Variants in SPTBN1 observed in about 807,000 individuals in gnomAD.
SPTBN1 encodes the protein spectrin beta, non-erythrocytic 1.
A neutral mutation model predicts 266.4 loss-of-function variants in SPTBN1; 32 were observed. The ratio of observed to expected loss-of-function variants is 0.12; its 90% CI spans 0.09 to 0.16. SPTBN1 has a LOEUF of 0.16. SPTBN1 is among the 10% of genes least tolerant of loss of function. The probability of loss-of-function intolerance (pLI) is 1.00; values close to 1 mark genes in which losing one functional copy is unlikely to be tolerated. For missense variants in SPTBN1, 2,296 were observed against 3,067.1 expected (o/e 0.75, Z 5.94); for synonymous variants, 1,336 against 1,162.2 (o/e 1.15, Z -3.04).
At chr2:54,603,559 G>A (rs192312722) in intron 3 of SPTBN1, among the ~76,000 whole-genome samples, 1 of 152,260 alleles carries the variant, frequency 6.6e-6, no homozygotes, top group African/African-American at 2.4e-5. Flanking sequence ...GGAGCCCTTA[G>A]GAGTGGGTCC....
intron 2 of SPTBN1, chr2:54,546,820 T>C (rs1407844658): frequency 6.6e-6 from 1 of 152,162 alleles, no homozygotes; most frequent in African/African-American, 2.4e-5. Flanking sequence ...TTGACAGCAT[T>C]TGAGAATGTT....
intron 1 of SPTBN1, among the ~76,000 whole-genome samples, chr2:54,493,758 G>A (rs1048962086): frequency 5.9e-5 from 9 of 152,206 alleles, no homozygotes; most frequent in African/African-American, 2.2e-4. Flanking sequence ...CCAAGACTAA[G>A]TGCCAACATA....
At chr2:54,583,571 T>C (rs2104585000) in intron 2 of SPTBN1, among the ~76,000 whole-genome samples, 1 of 152,322 alleles carries the variant, frequency 6.6e-6, no homozygotes, top group African/African-American at 2.4e-5. Context: ...CCAGTGTTTC[T>C]TCAGTGAATG....
rs1381530913 is a variant in SPTBN1, at chr2:54,661,231, C to G, written c.6420+1232C>G. ...AATTGAAAATGTTTTCACAAAAATC[C>G]TTTTCCTTAGAAATAAAAGCTGGTG... is the stretch of plus-strand genomic sequence containing the variant. On this transcript the variant is annotated intron_variant, in intron 32 of 35. Transcript: ENST00000356805. 7 of 985,670 alleles carry G rather than the reference C, an allele frequency of 7.1e-6. No homozygotes were observed. The African/African-American group carries it at 1.2e-4, about 17-fold the overall frequency. The allele number at this position is 985,670 out of a possible 1,614,324, so 61.1% of individuals were successfully genotyped here. A position where few individuals can be genotyped will look rare whatever the true frequency, so the allele number is the denominator to read the frequency against.
chr2:54,642,163 G>A (rs746259686), intron 18 of SPTBN1, among the ~76,000 whole-genome samples: 2 of 152,210 alleles, frequency 1.3e-5, no homozygotes, highest in Non-Finnish European at 2.9e-5. Flanking sequence ...AGGCAGTAAT[G>A]AGCCAGGGCC....
chr2:54,469,879 TG>T (rs1453851975), intron 1 of SPTBN1, among the ~76,000 whole-genome samples: 1 of 152,194 alleles, frequency 6.6e-6, no homozygotes, highest in Non-Finnish European at 1.5e-5. Context: ...ATTTATCTCC[TG>T]GGGTGGAGTT....
rs1681669877 is a variant in SPTBN1 at position 54,671,141 on chromosome 2, C to T, written c.*2572C>T. ...GGCTTAGGATATGAAATGGCGTTGT[C>T]ACTTGAATCAAGGCCACTTTTTGTC... On this transcript the variant is annotated 3_prime_UTR_variant, in exon 36 of 36. Transcript: ENST00000356805. 4.8e-6 allele frequency: 1 copy of T among 210,422 alleles called. No homozygotes were observed. Among genetic ancestry groups the T allele is most frequent in the African/African-American group, 2.3e-5 (1 of 43,808 alleles). 13.0% of individuals were successfully genotyped at this position (210,422 alleles called of 1,614,324 possible). A position where few individuals can be genotyped will look rare whatever the true frequency, so the allele number is the denominator to read the frequency against.
intron 1 of SPTBN1, among the ~76,000 whole-genome samples, chr2:54,462,323 C>G (rs1693406757): frequency 6.6e-6 from 1 of 152,130 alleles, no homozygotes; most frequent in Non-Finnish European, 1.5e-5. Context: ...CTTATTCTAA[C>G]TTTTGTATTT....
chr2:54,547,224 GT>G (rs969593681), intron 2 of SPTBN1, among the ~76,000 whole-genome samples: 3 of 151,740 alleles, frequency 2.0e-5, no homozygotes, highest in African/African-American at 7.3e-5. Context: ...TGTAATATTT[GT>G]TTTTTTTCTA....
intron 2 of SPTBN1, among the ~76,000 whole-genome samples, chr2:54,567,641 C>G (rs1343445849): frequency 1.3e-5 from 2 of 152,118 alleles, no homozygotes; most frequent in Non-Finnish European, 2.9e-5. Flanking sequence ...GTGGTGAAGT[C>G]AAGGCCTTGA....
At chr2:54,632,891 C>A in intron 17 of SPTBN1, 123 bp downstream of exon 17, 1 of 1,044,814 alleles carries the variant, frequency 9.6e-7, no homozygotes, top group South Asian at 1.6e-5. Context: ...TATGGGTGCC[C>A]AGCAGAAGTT....
chr2:54,571,393 A>G (rs1000289240), intron 2 of SPTBN1, among the ~76,000 whole-genome samples: 1 of 152,136 alleles, frequency 6.6e-6, no homozygotes, highest in African/African-American at 2.4e-5. Context: ...TAATTGTATT[A>G]AGAGGATGAC....
At chr2:54,598,969 A>T in intron 2 of SPTBN1, 123 bp from the exon 3 acceptor site, 1 of 984,346 alleles carries the variant, frequency 1.0e-6, no homozygotes, top group South Asian at 1.6e-5. Context: ...CGCTAAGTAG[A>T]GGTGTCCTTG....
intron 2 of SPTBN1, 116 bp from the exon 3 acceptor site, chr2:54,598,976 C>A (rs1433976577): frequency 4.3e-6 from 5 of 1,149,762 alleles, no homozygotes; most frequent in Middle Eastern, 2.9e-4. Flanking sequence ...TAGAGGTGTC[C>A]TTGGAGGTCA....
chr2:54,460,187 G>T (rs1693287265), intron 1 of SPTBN1, among the ~76,000 whole-genome samples: 1 of 152,210 alleles, frequency 6.6e-6, no homozygotes, highest in South Asian at 2.1e-4. Flanking sequence ...TAAGTGAGTT[G>T]TATGCACATT....
intron 1 of SPTBN1, among the ~76,000 whole-genome samples, chr2:54,481,768 A>G (rs1205433388): frequency 6.6e-6 from 1 of 152,198 alleles, no homozygotes; most frequent in Non-Finnish European, 1.5e-5. Flanking sequence ...GGGTTAGCCA[A>G]GGGAAGGAAT....
chr2:54,540,378 T>G lies in SPTBN1; in HGVS notation c.148+13812T>G, dbSNP rs1006301993. 6.6e-6 allele frequency among the ~76,000 whole-genome samples: 1 copy of G among 152,186 alleles called. No homozygotes were observed. The highest frequency in any genetic ancestry group is 1.5e-5 in the Non-Finnish European group (1 of 68,030). ...CTTGGTAGAGATGGGTTTGGGAAATTTAAGGCATTGTTTGCTAGCTTAGTA... is the reference window on the plus strand; with the variant it reads ...CTTGGTAGAGATGGGTTTGGGAAATGTAAGGCATTGTTTGCTAGCTTAGTA... On this transcript the variant is annotated intron_variant, in intron 2 of 35. Coordinates refer to ENST00000356805, the MANE Select transcript of SPTBN1 (RefSeq NM_003128.3). The surrounding 1 kb of genome is among the most constrained non-coding windows in gnomAD (Gnocchi z 5.6).
At position 54,622,315 on chromosome 2, in the gene SPTBN1, A is replaced by G; in HGVS notation, c.892A>G (p.Ile298Val). Residue 298 changes from isoleucine (I) to valine (V), a missense_variant, in exon 9 of 36, where the codon ATT (isoleucine) becomes GTT (valine). Around this residue, in one of 12 missense-constraint regions of SPTBN1, gnomAD observed 148 missense variants for 203.8 expected, o/e 0.73. Coordinates refer to ENST00000356805, the MANE Select transcript of SPTBN1 (RefSeq NM_003128.3). ...TTGTTGCCAGGTGCTTGACAATGCT[A>G]TTGAAACAGAAAAAATGATTGAAAA... is the stretch of plus-strand genomic sequence containing the variant. The part of the protein sequence containing the change: ...KRIGKVLDNA[I>V]ETEKMIEKYE... 1 of 1,614,156 alleles carries G rather than the reference A, an allele frequency of 6.2e-7. No individual in the cohort carries two copies. The highest frequency in any genetic ancestry group is 1.3e-5 in the African/African-American group (1 of 75,036).
In SPTBN1 at chr2:54,617,687, CG is replaced by C; in HGVS notation, c.647+1del. 1 of 1,613,898 alleles carries C rather than the reference CG, an allele frequency of 6.2e-7. No individual in the cohort carries two copies. ...CTTCAATGCACTGATACACAAACAC[CG>C]GTAAGTCCATACAAATCATCCTAGC... Reference protein sequence around the residue: ...MAFNALIHKHRPDLIDFDKLK... With the variant: ...MAFNALIHKHXPDLIDFDKLK... On this transcript the variant is annotated frameshift_variant and splice_region_variant, in exon 6 of 36. Coordinates refer to ENST00000356805, the MANE Select transcript of SPTBN1 (RefSeq NM_003128.3). LOFTEE classifies it high-confidence loss of function.
Sources: allele counts gnomAD v4.1 joint callset (sites outside exome capture counted in the v4.1 genomes callset), GRCh38; gene constraint gnomAD v4.1.1; regional missense constraint gnomAD v4.1.1; non-coding constraint Gnocchi (gnomAD v3.1); transcripts MANE v1.5; gene names NCBI Gene and HGNC (gene_info 2026-07-23, HGNC 2026-07-21).